The following PAPOLG variants were observed in gnomAD, a reference collection of about 807,000 sequenced individuals.
PAPOLG encodes the protein PAP-gamma.
In PAPOLG, 40 loss-of-function variants were observed where a neutral mutation model predicts 99.0. The ratio of observed to expected loss-of-function variants is 0.40; its 90% CI spans 0.31 to 0.53. The LOEUF (loss-of-function observed/expected upper bound fraction) is 0.53, where lower values mean the gene tolerates loss of function less well. Among genes scored for constraint, PAPOLG ranks in the 20% least tolerant of loss-of-function variants. The probability of loss-of-function intolerance (pLI) is 0.41; values close to 1 mark genes in which losing one functional copy is unlikely to be tolerated. For synonymous variants in PAPOLG, 310 were observed against 299.3 expected (o/e 1.04, Z -0.37); for missense variants, 675 against 884.1 (o/e 0.76, Z 3.00).
At chr2:60,756,673 C>T (rs975146583) in intron 1 of PAPOLG, among the ~76,000 whole-genome samples, 178 bp downstream of exon 1, 9 of 152,152 alleles carry the variant, frequency 5.9e-5, no homozygotes, top group Non-Finnish European at 7.3e-5. Flanking sequence ...GGCGGCTCAC[C>T]TGGCCACCCC....
intron 4 of PAPOLG, 82 bp downstream of exon 4, chr2:60,768,633 C>A: frequency 7.3e-7 from 1 of 1,367,688 alleles, no homozygotes; most frequent in Non-Finnish European, 1.0e-6. Flanking sequence ...GAACAAAGTT[C>A]CCACTATTTC....
intron 21 of PAPOLG, among the ~76,000 whole-genome samples, chr2:60,795,940 A>AT (rs1251394426): frequency 1.3e-5 from 2 of 152,096 alleles, no homozygotes; most frequent in East Asian, 3.8e-4. Context: ...ACATATCTGG[A>AT]TTTTTTAATA....
At chr2:60,770,098 C>G (rs1010754628) in intron 5 of PAPOLG, among the ~76,000 whole-genome samples, 6 of 152,156 alleles carry the variant, frequency 3.9e-5, no homozygotes, top group African/African-American at 1.4e-4. Context: ...CATGAACTCA[C>G]TGTTTTTTAT....
intron 1 of PAPOLG, among the ~76,000 whole-genome samples, chr2:60,756,872 C>T (rs1304764794): frequency 6.6e-6 from 1 of 152,088 alleles, no homozygotes; most frequent in Non-Finnish European, 1.5e-5. Flanking sequence ...CCCTGCCTCC[C>T]CCTCCTCCCT....
At chr2:60,779,844 T>C in intron 9 of PAPOLG, 69 bp downstream of exon 9, 1 of 1,357,574 alleles carries the variant, frequency 7.4e-7, no homozygotes, top group Non-Finnish European at 1.0e-6. Flanking sequence ...TTTGGAAATT[T>C]AAGAGCTATA....
intron 13 of PAPOLG, among the ~76,000 whole-genome samples, chr2:60,786,643 T>C (rs1429838854): frequency 6.6e-6 from 1 of 152,014 alleles, no homozygotes; most frequent in Non-Finnish European, 1.5e-5. Flanking sequence ...ATTCTCCTGC[T>C]TCAGCCTCCC....
At chr2:60,763,020 G>C (rs147412501) in intron 3 of PAPOLG, among the ~76,000 whole-genome samples, 2 of 150,898 alleles carry the variant, frequency 1.3e-5, no homozygotes, top group Non-Finnish European at 3.0e-5. Flanking sequence ...TCTCACCTCA[G>C]CCTCCCCAAG....
At chr2:60,793,347 C>T (rs924578428) in intron 17 of PAPOLG, among the ~76,000 whole-genome samples, 1 of 151,742 alleles carries the variant, frequency 6.6e-6, no homozygotes. Context: ...GCTTGAGCCT[C>T]AGGAGTTCAA....
intron 1 of PAPOLG, among the ~76,000 whole-genome samples, chr2:60,757,891 C>A (rs1670395520): frequency 6.6e-6 from 1 of 152,100 alleles, no homozygotes. Context: ...AATTTTAGGG[C>A]CAGTAGGCTA....
At chr2:60,782,102 T>C (rs1671206726) in intron 11 of PAPOLG, 97 bp downstream of exon 11, 1 of 1,217,146 alleles carries the variant, frequency 8.2e-7, no homozygotes, top group Non-Finnish European at 1.2e-6. Context: ...GTTAGAGTTA[T>C]ACCTATTCTT....
chr2:60,782,872 TAAGC>T lies in PAPOLG; in HGVS notation c.1112+106_1112+109del, dbSNP rs1379957300. ...GGCAGGTGACAGCTCTTTTATTTCTTAAGCAAGAGAGAATAGATTAACAAAAATC... is the reference window on the plus strand; with the variant it reads ...GGCAGGTGACAGCTCTTTTATTTCTTAAGAGAGAATAGATTAACAAAAATC... On this transcript the variant is annotated intron_variant, in intron 12 of 21. Transcript: ENST00000238714. 4.7e-5 allele frequency: 63 copies of T among 1,330,416 alleles called. No homozygotes were observed. The South Asian group carries it at 1.0e-3, about 21-fold the overall frequency. 82.4% of individuals were successfully genotyped at this position (1,330,416 alleles called of 1,614,324 possible).
chr2:60,774,279 AC>A (rs1243281406), intron 7 of PAPOLG, among the ~76,000 whole-genome samples: 2 of 151,942 alleles, frequency 1.3e-5, no homozygotes, highest in South Asian at 4.2e-4. Flanking sequence ...AAATGTTAAC[AC>A]GGTGAAAAAA....
Position 60,756,280 on chromosome 2 carries a change from C to A in PAPOLG, c.-199C>A, listed in dbSNP as rs1670334175. On this transcript the variant is annotated 5_prime_UTR_variant, in exon 1 of 22. Coordinates refer to ENST00000238714, the MANE Select transcript of PAPOLG (RefSeq NM_022894.4). Reference sequence around the variant, plus strand: ...GAAGCGGCGCCATATTGGCGTCGGCCGCGCTGTATTGTCATAAATAGAGCC... The same window carrying A: ...GAAGCGGCGCCATATTGGCGTCGGCAGCGCTGTATTGTCATAAATAGAGCC... 7.8e-6 allele frequency: 5 copies of A among 640,612 alleles called. No individual in the cohort carries two copies. Among genetic ancestry groups the A allele is most frequent in the South Asian group, 5.6e-5 (3 of 53,630 alleles). The allele number at this position is 640,612 out of a possible 1,614,324, so 39.7% of individuals were successfully genotyped here.
At chr2:60,792,344 A>G in intron 17 of PAPOLG, 55 bp downstream of exon 17, 1 of 1,491,220 alleles carries the variant, frequency 6.7e-7, no homozygotes, top group East Asian at 2.3e-5. Context: ...TTATTTGAGG[A>G]TAATGTGAAC....
chr2:60,760,335 A>G, intron 2 of PAPOLG, 40 bp downstream of exon 2: 2 of 1,534,650 alleles, frequency 1.3e-6, no homozygotes, highest in Non-Finnish European at 1.8e-6. Flanking sequence ...ACAGTGCATT[A>G]TTTAATCATT....
chr2:60,770,781 A>T (rs1463367710), intron 6 of PAPOLG, among the ~76,000 whole-genome samples: 1 of 151,918 alleles, frequency 6.6e-6, no homozygotes, highest in Non-Finnish European at 1.5e-5. Context: ...ACACCACCAC[A>T]CCTGGCTAAT....
chr2:60,777,992 CAG>C (rs1671072564), intron 8 of PAPOLG, among the ~76,000 whole-genome samples: 1 of 152,094 alleles, frequency 6.6e-6, no homozygotes, highest in Admixed American at 6.6e-5. Context: ...AAATGTGACA[CAG>C]AGACATGAAG....
At chr2:60,773,639 A>G (rs542681725) in intron 7 of PAPOLG, among the ~76,000 whole-genome samples, 2 of 152,124 alleles carry the variant, frequency 1.3e-5, no homozygotes, top group East Asian at 3.9e-4. Context: ...CATTTGGAAA[A>G]TATTGGTTCA....
rs1270809059 is a variant in PAPOLG at position 60,800,463 on chromosome 2, A to C, written c.*3303A>C. ...CACCCTAAGTGCTGGGATTACAGGC[A>C]TAAGCTACTGTGCCCAGCCAGGAGA... is the stretch of plus-strand genomic sequence containing the variant. On this transcript the variant is annotated 3_prime_UTR_variant, in exon 22 of 22. Coordinates refer to ENST00000238714, the MANE Select transcript of PAPOLG (RefSeq NM_022894.4). 1.3e-5 allele frequency: 2 copies of C among 152,374 alleles called. No homozygotes were observed. Among genetic ancestry groups the C allele is most frequent in the Non-Finnish European group, 2.9e-5 (2 of 68,048 alleles). 9.4% of individuals were successfully genotyped at this position (152,374 alleles called of 1,614,324 possible). A position where few individuals can be genotyped will look rare whatever the true frequency, so the allele number is the denominator to read the frequency against.
Sources: allele counts gnomAD v4.1 joint callset (sites outside exome capture counted in the v4.1 genomes callset), GRCh38; gene constraint gnomAD v4.1.1; transcripts MANE v1.5; gene names NCBI Gene and HGNC (gene_info 2026-07-23, HGNC 2026-07-21).